The following HIBADH variants were observed in gnomAD, a reference collection of about 807,000 sequenced individuals.
HIBADH encodes 3-hydroxyisobutyrate dehydrogenase.
In HIBADH, 25 loss-of-function variants were observed where a neutral mutation model predicts 36.1. The ratio of observed to expected loss-of-function variants is 0.69; its 90% CI spans 0.50 to 0.97. The LOEUF (loss-of-function observed/expected upper bound fraction) is 0.97, where lower values mean the gene tolerates loss of function less well. HIBADH is among the 50% of genes least tolerant of loss of function. The pLI is 0.00. For synonymous variants in HIBADH, 160 were observed against 149.5 expected (o/e 1.07, Z -0.51); for missense variants, 421 against 418.0 (o/e 1.01, Z -0.06).
intron 5 of HIBADH, among the ~76,000 whole-genome samples, chr7:27,539,257 T>C (rs1423111101): frequency 3.3e-5 from 5 of 152,134 alleles, no homozygotes; most frequent in African/African-American, 2.4e-5. Flanking sequence ...ACCAGTAAAC[T>C]AGGTGTGAGA....
chr7:27,551,174 TG>T (rs1784313780), intron 4 of HIBADH, among the ~76,000 whole-genome samples: 1 of 152,032 alleles, frequency 6.6e-6, no homozygotes, highest in Non-Finnish European at 1.5e-5. Context: ...CATGTGGTAA[TG>T]GCATTTTCAC....
rs535500718 is a variant in HIBADH, at chr7:27,607,306, G to A, written c.484+22065C>T. On this transcript the variant is annotated intron_variant, in intron 4 of 7. Transcript: ENST00000265395. ...GCAGATCACCTGAGGTCAGGAGTTC[G>A]AGGCCAGCCTGGCCAACACGGTGAA... 2.0e-4 allele frequency among the ~76,000 whole-genome samples: 30 copies of A among 152,204 alleles called. No homozygotes were observed. The East Asian group carries it at 5.2e-3, about 26-fold the overall frequency.
intron 4 of HIBADH, among the ~76,000 whole-genome samples, chr7:27,595,204 G>T (rs947898431): frequency 6.6e-6 from 1 of 152,206 alleles, no homozygotes; most frequent in African/African-American, 2.4e-5. Context: ...ATCTCCCCAC[G>T]CATATTCATA....
chr7:27,626,711 C>A (rs1311572283), intron 4 of HIBADH, among the ~76,000 whole-genome samples: 5 of 152,140 alleles, frequency 3.3e-5, no homozygotes, highest in Non-Finnish European at 1.5e-5. Context: ...AAAAACTTCT[C>A]TTTAAAATAC....
intron 1 of HIBADH, among the ~76,000 whole-genome samples, chr7:27,661,518 G>A (rs149087215): frequency 0.015 from 2,220 of 147,514 alleles, 45 homozygotes; most frequent in African/African-American, 0.048. Flanking sequence ...AGCCCAGGAG[G>A]TCGAGACTGC....
intron 4 of HIBADH, among the ~76,000 whole-genome samples, chr7:27,613,977 T>C (rs1333773743): frequency 6.6e-6 from 1 of 152,058 alleles, no homozygotes; most frequent in Non-Finnish European, 1.5e-5. Context: ...AGTGTTATTC[T>C]CTCTTTAAAT....
chr7:27,600,255 T>C (rs998927163), intron 4 of HIBADH, among the ~76,000 whole-genome samples: 5 of 143,014 alleles, frequency 3.5e-5, no homozygotes, highest in Non-Finnish European at 7.5e-5. Flanking sequence ...ACTCAAAACA[T>C]GCATAAAGAT....
chr7:27,532,019 AT>A (rs1343601831), intron 6 of HIBADH, among the ~76,000 whole-genome samples: 1 of 152,204 alleles, frequency 6.6e-6, no homozygotes, highest in Non-Finnish European at 1.5e-5. Context: ...AGAGACATGC[AT>A]TATAGTTCTG....
intron 4 of HIBADH, among the ~76,000 whole-genome samples, chr7:27,594,052 A>T (rs181906267): frequency 2.3e-4 from 35 of 150,818 alleles, no homozygotes; most frequent in Admixed American, 1.9e-3. Context: ...AAATAAATAA[A>T]TAAATAAAAT....
At chr7:27,659,564 T>A (rs565124652) in intron 1 of HIBADH, among the ~76,000 whole-genome samples, 1 of 151,012 alleles carries the variant, frequency 6.6e-6, no homozygotes, top group South Asian at 2.1e-4. Flanking sequence ...AAAAAATAAA[T>A]AAATAAATAA....
intron 2 of HIBADH, chr7:27,647,758 C>A: frequency 8.0e-6 from 3 of 374,808 alleles, no homozygotes; most frequent in Non-Finnish European, 5.6e-6. Context: ...GTAATTCAGG[C>A]AGAGCATCAG....
intron 1 of HIBADH, among the ~76,000 whole-genome samples, chr7:27,657,315 TAGAG>T (rs1239338320): frequency 6.6e-6 from 1 of 152,084 alleles, no homozygotes; most frequent in Non-Finnish European, 1.5e-5. Context: ...CAGACAAACC[TAGAG>T]AGAGACCTTA....
chr7:27,610,255 T>C (rs1415823590), intron 4 of HIBADH, among the ~76,000 whole-genome samples: 1 of 152,228 alleles, frequency 6.6e-6, no homozygotes, highest in Non-Finnish European at 1.5e-5. Flanking sequence ...ATAATTGATA[T>C]ACTGCACATA....
intron 4 of HIBADH, among the ~76,000 whole-genome samples, chr7:27,600,274 G>C (rs1785108174): frequency 1.7e-5 from 1 of 60,458 alleles, no homozygotes; most frequent in South Asian, 5.7e-4. Context: ...ATCAAGAATT[G>C]TTCTTTTTTT....
intron 4 of HIBADH, among the ~76,000 whole-genome samples, chr7:27,550,461 C>T (rs1201627352): frequency 1.3e-5 from 2 of 152,154 alleles, no homozygotes; most frequent in African/African-American, 4.8e-5. Flanking sequence ...ACCCTTGCAA[C>T]AAAAACTACC....
At chr7:27,630,604 A>T (rs1041674289) in intron 3 of HIBADH, among the ~76,000 whole-genome samples, 1 of 152,192 alleles carries the variant, frequency 6.6e-6, no homozygotes, top group African/African-American at 2.4e-5. Context: ...ATAGCACACA[A>T]AATGGTTTAA....
chr7:27,613,773 C>T (rs1199586728), intron 4 of HIBADH, among the ~76,000 whole-genome samples: 1 of 151,740 alleles, frequency 6.6e-6, no homozygotes, highest in African/African-American at 2.4e-5. Context: ...AATCTTCCAT[C>T]TCAGCCTCCC....
chr7:27,633,895 G>T (rs1461319582), intron 2 of HIBADH, among the ~76,000 whole-genome samples: 3 of 152,098 alleles, frequency 2.0e-5, no homozygotes, highest in Non-Finnish European at 4.4e-5. Flanking sequence ...TTACAAATAG[G>T]AATGCCTCTG....
At chr7:27,621,786 G>A (rs1785548330) in intron 4 of HIBADH, among the ~76,000 whole-genome samples, 1 of 151,634 alleles carries the variant, frequency 6.6e-6, no homozygotes, top group African/African-American at 2.4e-5. Context: ...AGCGAGACTC[G>A]ATCTCAAACA....
Sources: allele counts gnomAD v4.1 joint callset (sites outside exome capture counted in the v4.1 genomes callset), GRCh38; gene constraint gnomAD v4.1.1; transcripts MANE v1.5; gene names NCBI Gene and HGNC (gene_info 2026-07-23, HGNC 2026-07-21).